EPB41L3: variants seen among roughly 807,000 people sequenced by gnomAD.
EPB41L3 encodes the protein band 4.1-like protein 3.
EPB41L3 carries 57 observed loss-of-function variants against 127.1 expected under a neutral mutation model. That is an observed-to-expected ratio of 0.45 (90% CI 0.36 to 0.56). The LOEUF (loss-of-function observed/expected upper bound fraction) is 0.56, where lower values mean the gene tolerates loss of function less well. EPB41L3 is among the 20% of genes least tolerant of loss of function. EPB41L3 has a pLI of 0.00. For missense variants in EPB41L3, 1,273 were observed against 1,372.2 expected, an observed-to-expected ratio of 0.93 and a Z score of 1.14; for synonymous variants, 572 against 549.5, an observed-to-expected ratio of 1.04 and a Z score of -0.57.
chr18:5,439,015 T>C (rs2080272011), intron 5 of EPB41L3, among the ~76,000 whole-genome samples: 1 of 152,188 alleles, frequency 6.6e-6, no homozygotes, highest in Admixed American at 6.5e-5. Flanking sequence ...TATGTGATCA[T>C]TACTGTATTC....
upstream of EPB41L3, among the ~76,000 whole-genome samples, chr18:5,546,745 G>A (rs2093887373): frequency 6.6e-6 from 1 of 152,064 alleles, no homozygotes; most frequent in Admixed American, 6.6e-5. Flanking sequence ...TTCATGAGGG[G>A]TGCATAGCTG....
At chr18:5,439,289 A>G (rs1207437269) in intron 5 of EPB41L3, among the ~76,000 whole-genome samples, 2 of 151,984 alleles carry the variant, frequency 1.3e-5, no homozygotes, top group African/African-American at 2.4e-5. Flanking sequence ...TATGCTTCCA[A>G]TACTCTCCCA....
intron 1 of EPB41L3, among the ~76,000 whole-genome samples, chr18:5,499,811 C>T (rs1030566027): frequency 6.4e-5 from 8 of 124,540 alleles, no homozygotes; most frequent in African/African-American, 2.6e-4. Flanking sequence ...TTCCCTACTA[C>T]ATACTTACTA....
At chr18:5,454,214 T>G (rs867909269) in intron 3 of EPB41L3, among the ~76,000 whole-genome samples, 14 of 150,952 alleles carry the variant, frequency 9.3e-5, no homozygotes, top group South Asian at 4.2e-4. Context: ...TCCTTGTTTT[T>G]TTTTTTTTTT....
At chr18:5,628,298 TC>T (rs2094945459) in intron 1 of EPB41L3, among the ~76,000 whole-genome samples, 1 of 152,280 alleles carries the variant, frequency 6.6e-6, no homozygotes, top group Non-Finnish European at 1.5e-5. Flanking sequence ...GTTTCTACTT[TC>T]ATTCATTTAG....
rs1442954696 is a variant in EPB41L3 at position 5,484,344 on chromosome 18, CA to C, written c.183+4656del. On this transcript the variant is annotated intron_variant, in intron 2 of 22. Coordinates refer to ENST00000341928, the MANE Select transcript of EPB41L3 (RefSeq NM_012307.5). The stretch of plus-strand genomic sequence containing the variant: ...AAAAATCTGTGGGCTATAACAAAAG[CA>C]GTACTAAGAGGGAAGTGGAGAGCAA... Among the ~76,000 whole-genome samples the C allele has an allele frequency of 4.0e-5, 6 of 151,014 alleles. No homozygotes were observed. In the South Asian group the frequency reaches 1.3e-3, roughly 32 times the overall value.
At position 5,590,747 on chromosome 18, in the gene EPB41L3, T is replaced by C. The variant is rs546907405; in HGVS notation, c.-306+21593A>G. Among the ~76,000 whole-genome samples the C allele has an allele frequency of 2.9e-4, 44 of 152,344 alleles. No individual in the cohort carries two copies. In the South Asian group the frequency reaches 9.1e-3, roughly 32 times the overall value. ...AATAAAAAGAAACATAATTGATACA[T>C]GCAACAACTTGCATGAATCTCAAAG... is the stretch of plus-strand genomic sequence containing the variant. On this transcript the variant is annotated intron_variant, in intron 3 of 21. Coordinates refer to the EPB41L3 transcript ENST00000545076.
chr18:5,394,635 T>A, intron 22 of EPB41L3, 42 bp downstream of exon 22: 1 of 1,520,026 alleles, frequency 6.6e-7, no homozygotes, highest in Admixed American at 1.7e-5. Context: ...CCATGCCTCA[T>A]GCCAGCCTAG....
At chr18:5,510,032 A>C (rs748008219) in intron 1 of EPB41L3, among the ~76,000 whole-genome samples, 9 of 152,210 alleles carry the variant, frequency 5.9e-5, no homozygotes, top group Non-Finnish European at 1.0e-4. Context: ...GGTATTGCAG[A>C]ATTAGTTTAA....
chr18:5,587,491 G>T (rs1332411865), intron 3 of EPB41L3, among the ~76,000 whole-genome samples: 1 of 152,112 alleles, frequency 6.6e-6, no homozygotes, highest in Non-Finnish European at 1.5e-5. Context: ...ATAGGAAAAA[G>T]AGTATATACA....
intron 1 of EPB41L3, among the ~76,000 whole-genome samples, chr18:5,537,387 A>G (rs1425721761): frequency 6.6e-6 from 1 of 152,220 alleles, no homozygotes; most frequent in Non-Finnish European, 1.5e-5. Context: ...AAATACTCCC[A>G]CAAAAAGATG....
intron 21 of EPB41L3, 62 bp from the exon 22 acceptor site, chr18:5,394,855 GGT>G: frequency 1.3e-6 from 2 of 1,492,186 alleles, no homozygotes; most frequent in Non-Finnish European, 1.9e-6. Context: ...CATGATCAGT[GGT>G]GAGGTGGAGA....
intron 1 of EPB41L3, among the ~76,000 whole-genome samples, chr18:5,622,089 A>G (rs2094869527): frequency 6.6e-6 from 1 of 152,178 alleles, no homozygotes; most frequent in African/African-American, 2.4e-5. Context: ...AAAGGGCAAA[A>G]GAAAATTACA....
intron 3 of EPB41L3, among the ~76,000 whole-genome samples, chr18:5,455,430 T>C (rs1046780883): frequency 6.6e-6 from 1 of 152,160 alleles, no homozygotes; most frequent in Non-Finnish European, 1.5e-5. Context: ...AAATACATAT[T>C]GGGTATACTG....
chr18:5,521,385 A>T, intron 1 of EPB41L3: 1 of 152,226 alleles, frequency 6.6e-6, no homozygotes. Flanking sequence ...CATTCAGCTC[A>T]TCAAGTTAAC....
In EPB41L3 at chr18:5,406,817, T is replaced by C. The variant is rs779592640; in HGVS notation, c.2309A>G (p.Gln770Arg). ...STSPVRLAAR[Q>R]EDAPMIEPLV... ...TGGTTCGATCATGGGGGCATCCTCC[T>C]GCCTGGCGGCCAGTCGCACGGGGGA... Residue 770 changes from glutamine to arginine, a missense_variant, in exon 16 of 23, where the codon CAG (glutamine) becomes CGG (arginine). Coordinates refer to ENST00000341928, the MANE Select transcript of EPB41L3 (RefSeq NM_012307.5). The C allele has an allele frequency of 9.3e-6, 15 of 1,614,220 alleles. No individual in the cohort carries two copies. The highest frequency in any genetic ancestry group is 6.7e-5 in the Admixed American group (4 of 60,030).
At chr18:5,531,125 C>T (rs1317955238) in intron 1 of EPB41L3, among the ~76,000 whole-genome samples, 2 of 152,188 alleles carry the variant, frequency 1.3e-5, no homozygotes, top group Non-Finnish European at 2.9e-5. Context: ...ACCATTTGAT[C>T]TTCACAATAG....
chr18:5,486,968 T>C (rs2089860062), intron 2 of EPB41L3, among the ~76,000 whole-genome samples: 1 of 152,174 alleles, frequency 6.6e-6, no homozygotes, highest in Admixed American at 6.5e-5. Flanking sequence ...AGCAATTCCA[T>C]TACTGGATAT....
At chr18:5,584,936 TG>T (rs1311761945) in intron 3 of EPB41L3, among the ~76,000 whole-genome samples, 1 of 152,200 alleles carries the variant, frequency 6.6e-6, no homozygotes, top group East Asian at 1.9e-4. Flanking sequence ...AAAATTGGAT[TG>T]CAGGACTGTG....
Sources: allele counts gnomAD v4.1 joint callset (sites outside exome capture counted in the v4.1 genomes callset), GRCh38; gene constraint gnomAD v4.1.1; transcripts MANE v1.5; gene names NCBI Gene and HGNC (gene_info 2026-07-23, HGNC 2026-07-21).